Variants in SYT7 observed in about 807,000 individuals in gnomAD.
The protein encoded by SYT7 is synaptotagmin 7.
In SYT7, 29 loss-of-function variants were observed where a neutral mutation model predicts 75.1. The observed-to-expected ratio is 0.39, with a 90% CI of 0.29 to 0.53. SYT7 has a LOEUF of 0.53. SYT7 is among the 20% of genes least tolerant of loss of function. The pLI, the probability that SYT7 is intolerant of heterozygous loss-of-function variation, is 0.77. For missense variants in SYT7, 693 were observed against 953.2 expected (o/e 0.73, Z 3.59); for synonymous variants, 376 against 401.7 (o/e 0.94, Z 0.76).
At chr11:61,527,680 G>C (rs747262247) in intron 9 of SYT7, among the ~76,000 whole-genome samples, 1 of 152,244 alleles carries the variant, frequency 6.6e-6, no homozygotes, top group African/African-American at 2.4e-5. Context: ...CAGGTTAACC[G>C]GGCCAGGACG....
the SYT7 span, among the ~76,000 whole-genome samples, chr11:61,587,207 C>T: frequency 6.6e-6 from 1 of 152,208 alleles, no homozygotes; most frequent in African/African-American, 2.4e-5. Context: ...TGGGGGCCTC[C>T]CAGCGCTGAA....
chr11:61,568,074 C>T (rs2063823231), intron 1 of SYT7, among the ~76,000 whole-genome samples: 2 of 152,280 alleles, frequency 1.3e-5, no homozygotes, highest in East Asian at 3.9e-4. Context: ...AGGCCTCCCC[C>T]AGGGCAGAGG....
At position 61,569,116 on chromosome 11, in the gene SYT7, C is replaced by T. The variant is rs566780011; in HGVS notation, c.31+11674G>A. Reference sequence around the variant, plus strand: ...GGGCTGCTTCCCCACTCCTACTCCCCGGGGTCCATTGGTTGGCTCAGCTTT... The same window carrying T: ...GGGCTGCTTCCCCACTCCTACTCCCTGGGGTCCATTGGTTGGCTCAGCTTT... On this transcript the variant is annotated intron_variant, in intron 1 of 12. Coordinates refer to ENST00000539008, the MANE Select transcript of SYT7 (RefSeq NM_001365809.2). Among the ~76,000 whole-genome samples the T allele has an allele frequency of 7.2e-5, 11 of 152,228 alleles. No individual in the cohort carries two copies. The East Asian group carries it at 1.5e-3, about 21-fold the overall frequency.
chr11:61,518,750 C>A lies in SYT7; in HGVS notation c.1957-19G>T. ...GGTAGATCTGGGGAGAAAGGGGAGA[C>A]GATGGCATCGGCACAGGCTCCAGGG... On this transcript the variant is annotated intron_variant, in intron 12 of 12. Coordinates refer to ENST00000539008, the MANE Select transcript of SYT7 (RefSeq NM_001365809.2). The A allele has an allele frequency of 6.6e-7, 1 of 1,514,314 alleles. No homozygotes were observed. The highest frequency in any genetic ancestry group is 8.9e-7 in the Non-Finnish European group (1 of 1,120,718). The allele number at this position is 1,514,314 out of a possible 1,614,324, so 93.8% of individuals were successfully genotyped here. A position where few individuals can be genotyped will look rare whatever the true frequency, so the allele number is the denominator to read the frequency against.
chr11:61,523,288 T>C lies in SYT7; in HGVS notation c.1757-14A>G, dbSNP rs765552311. ...TCACGTAGGGGTCTAGGGGAGGGAG[T>C]GGGGAAGGGTTAGAGGGACCGTGGG... On this transcript the variant is annotated splice_polypyrimidine_tract_variant and intron_variant, in intron 11 of 12. Coordinates refer to ENST00000539008, the MANE Select transcript of SYT7 (RefSeq NM_001365809.2). The surrounding 1 kb of genome is among the most constrained non-coding windows in gnomAD (Gnocchi z 5.0). The C allele has an allele frequency of 1.9e-6, 3 of 1,612,542 alleles. No homozygotes were observed. In the African/African-American group the frequency reaches 4.0e-5, roughly 22 times the overall value.
At chr11:61,570,872 C>T (rs1263293158) in intron 1 of SYT7, among the ~76,000 whole-genome samples, 1 of 152,162 alleles carries the variant, frequency 6.6e-6, no homozygotes, top group Non-Finnish European at 1.5e-5. Context: ...CCACCTGTAC[C>T]ATCAAAGGGT....
chr11:61,562,530 G>A (rs962948036), intron 1 of SYT7, among the ~76,000 whole-genome samples: 4 of 152,326 alleles, frequency 2.6e-5, no homozygotes, highest in African/African-American at 9.6e-5. Context: ...TCGTGCCCTG[G>A]ATTAGTGATA....
chr11:61,583,915 G>T (rs1048851100), upstream of SYT7, among the ~76,000 whole-genome samples: 14 of 152,220 alleles, frequency 9.2e-5, no homozygotes, highest in African/African-American at 3.1e-4. Context: ...TTTAGGGGAC[G>T]CAGAGTCATG....
chr11:61,528,684 T>C (rs1421925720), intron 8 of SYT7, among the ~76,000 whole-genome samples: 1 of 152,116 alleles, frequency 6.6e-6, no homozygotes, highest in Non-Finnish European at 1.5e-5. Flanking sequence ...AGTGACTCTC[T>C]AGGGTGCGGA....
chr11:61,579,273 T>C (rs549749872), intron 1 of SYT7, among the ~76,000 whole-genome samples: 3 of 152,336 alleles, frequency 2.0e-5, no homozygotes, highest in Non-Finnish European at 4.4e-5. Flanking sequence ...AAGAGAATAC[T>C]CCTGCCACGG....
intron 8 of SYT7, among the ~76,000 whole-genome samples, chr11:61,530,333 G>A (rs1436683037): frequency 6.6e-6 from 1 of 152,128 alleles, no homozygotes; most frequent in Non-Finnish European, 1.5e-5. Context: ...CCCCTTGGCC[G>A]ATCCAGACAA....
At chr11:61,531,136 GC>G (rs2062691870) in intron 8 of SYT7, 2 of 985,440 alleles carry the variant, frequency 2.0e-6, no homozygotes, top group East Asian at 1.1e-4. Context: ...GGCTGATTCT[GC>G]CCTGCTTATC....
chr11:61,530,835 T>C (rs2062682632), intron 8 of SYT7: 2 of 985,378 alleles, frequency 2.0e-6, no homozygotes, highest in Non-Finnish European at 2.4e-6. Flanking sequence ...GAGCCCTACT[T>C]ACTCAGCTGG....
At chr11:61,535,689 T>A (rs971828302) in intron 7 of SYT7, among the ~76,000 whole-genome samples, 3 of 152,076 alleles carry the variant, frequency 2.0e-5, no homozygotes, top group Non-Finnish European at 4.4e-5. Context: ...ACTCCCACGC[T>A]GCTTGGAACC....
At chr11:61,561,126 C>T (rs2063626102) in intron 1 of SYT7, among the ~76,000 whole-genome samples, 1 of 152,200 alleles carries the variant, frequency 6.6e-6, no homozygotes, top group Non-Finnish European at 1.5e-5. Context: ...TTACTGTCAG[C>T]ATATTAACAC....
chr11:61,536,363 C>T (rs980461654), intron 7 of SYT7, among the ~76,000 whole-genome samples: 2 of 152,172 alleles, frequency 1.3e-5, no homozygotes, highest in Admixed American at 6.5e-5. Flanking sequence ...TGTGAAATCT[C>T]GTTTCCAGCC....
At chr11:61,582,725 C>T (rs1002705912), upstream of SYT7, among the ~76,000 whole-genome samples, 1 of 152,182 alleles carries the variant, frequency 6.6e-6, no homozygotes, top group Non-Finnish European at 1.5e-5. Context: ...AGCCCTCACC[C>T]TCTGGGGAAG....
At position 61,546,053 on chromosome 11, in the gene SYT7, C is replaced by G; in HGVS notation, c.550G>C (p.Ala184Pro). The G allele has an allele frequency of 6.5e-7, 1 of 1,533,356 alleles. No homozygotes were observed. The highest frequency in any genetic ancestry group is 8.7e-7 in the Non-Finnish European group (1 of 1,145,724). 95.0% of individuals were successfully genotyped at this position (1,533,356 alleles called of 1,614,324 possible). The change falls in exon 5 of 13, where the codon GCA becomes CCA. Residue 184 changes from alanine (A) to proline (P), a missense_variant. Physicochemically the swap from Ala to Pro is conservative, Grantham distance 27. Coordinates refer to ENST00000539008, the MANE Select transcript of SYT7 (RefSeq NM_001365809.2). The surrounding 1 kb of genome is among the most constrained non-coding windows in gnomAD (Gnocchi z 7.6). ...RWRTVQSHLA[A>P]GKLNLSNFED... ...CACTTGGACAAGTTGAGCTTCCCTGCGGCCAGGTGGCTCTGCACCGTCCGC... is the reference window on the plus strand; with the variant it reads ...CACTTGGACAAGTTGAGCTTCCCTGGGGCCAGGTGGCTCTGCACCGTCCGC...
chr11:61,563,838 C>T (rs2063701870), intron 1 of SYT7, among the ~76,000 whole-genome samples: 1 of 152,194 alleles, frequency 6.6e-6, no homozygotes, highest in Non-Finnish European at 1.5e-5. Context: ...TTTCTGTGTC[C>T]TTCCCCAACT....
Sources: allele counts gnomAD v4.1 joint callset (sites outside exome capture counted in the v4.1 genomes callset), GRCh38; gene constraint gnomAD v4.1.1; non-coding constraint Gnocchi (gnomAD v3.1); transcripts MANE v1.5; gene names NCBI Gene and HGNC (gene_info 2026-07-23, HGNC 2026-07-21).